ERBB4: variants seen among roughly 807,000 people sequenced by gnomAD.
ERBB4 encodes the protein erb-b2 receptor tyrosine kinase 4.
In ERBB4, 42 loss-of-function variants were observed where a neutral mutation model predicts 158.0. The ratio of observed to expected loss-of-function variants is 0.27; its 90% confidence interval spans 0.21 to 0.34. ERBB4 has a LOEUF of 0.34. Among genes scored for constraint, ERBB4 ranks in the 10% least tolerant of loss-of-function variants. ERBB4 has a pLI of 1.00. For missense variants in ERBB4, 1,333 were observed against 1,624.1 expected, an observed-to-expected ratio of 0.82 and a Z score of 3.08; for synonymous variants, 583 against 558.7, an observed-to-expected ratio of 1.04 and a Z score of -0.61.
At position 212,471,649 on chromosome 2, in the gene ERBB4, C is replaced by A. The variant is rs557808433; in HGVS notation, c.82+66800G>T. ...TGTTACTATAATATAAATGAAAACGCACAACTTTCTAAAAATAATCTATTC... is the reference window on the plus strand; with the variant it reads ...TGTTACTATAATATAAATGAAAACGAACAACTTTCTAAAAATAATCTATTC... On this transcript the variant is annotated intron_variant, in intron 1 of 27. Transcript: ENST00000342788. 2.0e-5 allele frequency among the ~76,000 whole-genome samples: 3 copies of A among 151,980 alleles called. 1 individual carries two copies. The South Asian group carries it at 6.2e-4, about 32-fold the overall frequency.
At chr2:212,308,535 T>G (rs1055620633) in intron 1 of ERBB4, among the ~76,000 whole-genome samples, 3 of 150,992 alleles carry the variant, frequency 2.0e-5, no homozygotes, top group Non-Finnish European at 3.0e-5. Flanking sequence ...TATTTGAAGT[T>G]ATATAGTTTG....
At chr2:211,844,677 A>G (rs547622899) in intron 3 of ERBB4, among the ~76,000 whole-genome samples, 1 of 152,278 alleles carries the variant, frequency 6.6e-6, no homozygotes, top group East Asian at 1.9e-4. Context: ...TATATAATAG[A>G]TTTACATATT....
intron 3 of ERBB4, among the ~76,000 whole-genome samples, chr2:211,915,031 G>C (rs183923341): frequency 1.0e-3 from 158 of 152,190 alleles, no homozygotes; most frequent in African/African-American, 3.6e-3. Context: ...AAAGGTTAGG[G>C]AGAAGCAGAG....
At chr2:212,066,420 G>T (rs531230461) in intron 2 of ERBB4, among the ~76,000 whole-genome samples, 26 of 151,958 alleles carry the variant, frequency 1.7e-4, no homozygotes, top group Non-Finnish European at 3.7e-4. Flanking sequence ...ACCCCGGGAA[G>T]TACAAAAGAG....
rs372240517 is a variant in ERBB4 at position 212,236,765 on chromosome 2, T to C, written c.83-111862A>G. Among the ~76,000 whole-genome samples the C allele has an allele frequency of 3.9e-5, 6 of 152,344 alleles. No homozygotes were observed. In the East Asian group the frequency reaches 5.8e-4, roughly 15 times the overall value. On this transcript the variant is annotated intron_variant, in intron 1 of 27. Coordinates refer to ENST00000342788, the MANE Select transcript of ERBB4 (RefSeq NM_005235.3). ...TAGTTTATTAGCTTAGAGGTGTTTA[T>C]AGTATTCTCTGAAGGTAGTTTGTAT...
At chr2:211,848,993 G>C (rs965049063) in intron 3 of ERBB4, among the ~76,000 whole-genome samples, 3 of 151,956 alleles carry the variant, frequency 2.0e-5, no homozygotes, top group Non-Finnish European at 4.4e-5. Context: ...GCAGGTAATG[G>C]TTCAAATTTT....
chr2:211,737,495 C>A (rs922325718), intron 5 of ERBB4, among the ~76,000 whole-genome samples: 6 of 152,070 alleles, frequency 3.9e-5, no homozygotes, highest in Non-Finnish European at 8.8e-5. Context: ...AGTACAAAAC[C>A]GGCACAATGG....
At chr2:211,766,772 C>T (rs2075558745) in intron 4 of ERBB4, among the ~76,000 whole-genome samples, 1 of 152,158 alleles carries the variant, frequency 6.6e-6, no homozygotes, top group African/African-American at 2.4e-5. Context: ...AACCCCACCT[C>T]TCCACTCTCG....
chr2:212,323,021 T>C (rs1336247947), intron 1 of ERBB4, among the ~76,000 whole-genome samples: 1 of 150,588 alleles, frequency 6.6e-6, no homozygotes, highest in African/African-American at 2.4e-5. Flanking sequence ...GATTGTTAAC[T>C]CACATTTAAA....
At chr2:212,139,849 A>G (rs1172093024) in intron 1 of ERBB4, among the ~76,000 whole-genome samples, 2 of 151,930 alleles carry the variant, frequency 1.3e-5, no homozygotes, top group African/African-American at 4.8e-5. Context: ...AATTTGAAGC[A>G]CACCTTTTCC....
chr2:211,611,978 T>G (rs1470783906), intron 19 of ERBB4, among the ~76,000 whole-genome samples: 2 of 152,016 alleles, frequency 1.3e-5, no homozygotes, highest in African/African-American at 4.8e-5. Flanking sequence ...CCTCAAAGGG[T>G]TTTCAGAGGG....
intron 5 of ERBB4, among the ~76,000 whole-genome samples, chr2:211,731,632 G>A (rs540256148): frequency 6.6e-6 from 1 of 152,100 alleles, no homozygotes; most frequent in East Asian, 1.9e-4. Context: ...TTCTCTAGAG[G>A]TACCCTCTAG....
At chr2:211,881,671 A>G (rs926029040) in intron 3 of ERBB4, among the ~76,000 whole-genome samples, 3 of 152,100 alleles carry the variant, frequency 2.0e-5, no homozygotes, top group African/African-American at 7.2e-5. Flanking sequence ...GACCCTATGT[A>G]GATCAGATAC....
Position 211,846,275 on chromosome 2 carries a change from C to CT in ERBB4, c.422-58117dup, listed in dbSNP as rs200219851. 5.9e-3 allele frequency among the ~76,000 whole-genome samples: 896 copies of CT among 152,100 alleles called. 6 individuals carry two copies. The highest frequency in any genetic ancestry group is 0.021 in the African/African-American group (859 of 41,520). ...TCACTAATCCTTTAATCTCCAGACA[C>CT]TTTTTTTCATAAAAGATTCACAAGC... On this transcript the variant is annotated intron_variant, in intron 3 of 27. Transcript: ENST00000342788.
chr2:211,715,747 G>A (rs763802321), intron 7 of ERBB4, among the ~76,000 whole-genome samples: 4 of 152,126 alleles, frequency 2.6e-5, no homozygotes, highest in Non-Finnish European at 4.4e-5. Context: ...CACTGTGATT[G>A]AAAGTTTCCT....
chr2:211,377,004 A>C lies in ERBB4; in HGVS notation c.*6611T>G, dbSNP rs2062486196. ...TATGCTACATATTTCAAAGTACCTT[A>C]CTTTAAAAGAACACCTTACATATCT... On this transcript the variant is annotated 3_prime_UTR_variant, in exon 28 of 28. Coordinates refer to ENST00000342788, the MANE Select transcript of ERBB4 (RefSeq NM_005235.3). The C allele has an allele frequency of 4.3e-6, 1 of 233,008 alleles. No individual in the cohort carries two copies. The highest frequency in any genetic ancestry group is 8.5e-6 in the Non-Finnish European group (1 of 117,676). 14.4% of individuals were successfully genotyped at this position (233,008 alleles called of 1,614,324 possible).
intron 25 of ERBB4, among the ~76,000 whole-genome samples, chr2:211,414,723 T>G (rs190902433): frequency 6.6e-6 from 1 of 152,184 alleles, no homozygotes; most frequent in East Asian, 1.9e-4. Context: ...GCAAGATGTT[T>G]AACAGCAACT....
chr2:212,341,627 A>T (rs1346470850), intron 1 of ERBB4, among the ~76,000 whole-genome samples: 2 of 146,366 alleles, frequency 1.4e-5, no homozygotes, highest in Non-Finnish European at 3.0e-5. Flanking sequence ...CTTTGACTAA[A>T]TGACATATTA....
intron 1 of ERBB4, among the ~76,000 whole-genome samples, chr2:212,456,936 A>T (rs1286010869): frequency 6.6e-6 from 1 of 151,890 alleles, no homozygotes; most frequent in Non-Finnish European, 1.5e-5. Flanking sequence ...ATGTTCTATT[A>T]TACTTAAGGT....
Sources: gnomAD v4.1 joint callset for allele counts (sites outside exome capture counted in the v4.1 genomes callset) on GRCh38, gnomAD v4.1.1 for gene constraint, MANE v1.5 for transcripts, NCBI Gene and HGNC (gene_info 2026-07-23, HGNC 2026-07-21) for gene names.